The following CCDC178 variants were observed in gnomAD, a reference collection of about 807,000 sequenced individuals.
The protein encoded by CCDC178 is coiled-coil domain containing 178.
Under a neutral mutation model 117.4 loss-of-function variants are expected in CCDC178, and 126 were observed. The observed-to-expected ratio is 1.07, with a 90% CI of 0.93 to 1.24. CCDC178 has a LOEUF of 1.24. Ranked by LOEUF, CCDC178 falls within the 50% of genes most tolerant of loss-of-function variation. CCDC178 has a pLI of 0.00. For missense variants in CCDC178, 1,030 were observed against 986.9 expected (o/e 1.04, Z -0.59); for synonymous variants, 283 against 313.4 (o/e 0.90, Z 1.02).
At chr18:32,949,555 T>C (rs2054433354) in intron 22 of CCDC178, among the ~76,000 whole-genome samples, 1 of 152,162 alleles carries the variant, frequency 6.6e-6, no homozygotes, top group Non-Finnish European at 1.5e-5. Flanking sequence ...ATCTCAGGCA[T>C]TGTAAGCTTT....
chr18:33,221,168 T>C (rs1404195847), intron 18 of CCDC178, among the ~76,000 whole-genome samples: 1 of 152,046 alleles, frequency 6.6e-6, no homozygotes, highest in African/African-American at 2.4e-5. Flanking sequence ...CTCTTTCACC[T>C]GAAGATGTGA....
At chr18:32,979,539 C>A (rs1039576723) in intron 21 of CCDC178, among the ~76,000 whole-genome samples, 1 of 152,012 alleles carries the variant, frequency 6.6e-6, no homozygotes, top group East Asian at 1.9e-4. Flanking sequence ...ATGAAAGGTA[C>A]TTAGGTTTAT....
chr18:33,326,805 C>T (rs1442436935), intron 10 of CCDC178, among the ~76,000 whole-genome samples: 1 of 151,780 alleles, frequency 6.6e-6, no homozygotes, highest in Non-Finnish European at 1.5e-5. Flanking sequence ...GCAGCCTTCT[C>T]TCTCATTCGA....
intron 5 of CCDC178, among the ~76,000 whole-genome samples, chr18:33,382,993 C>T (rs1027788128): frequency 2.0e-5 from 3 of 151,730 alleles, no homozygotes; most frequent in Non-Finnish European, 2.9e-5. Context: ...GAGGCAGGGG[C>T]AGGGGGAGGG....
chr18:33,123,153 T>C (rs2057959995), intron 20 of CCDC178, among the ~76,000 whole-genome samples: 1 of 152,160 alleles, frequency 6.6e-6, no homozygotes, highest in African/African-American at 2.4e-5. Context: ...AGGAGAGTTG[T>C]GTATTAAAAT....
At chr18:33,251,132 CA>C (rs1041028772) in intron 14 of CCDC178, among the ~76,000 whole-genome samples, 1 of 150,548 alleles carries the variant, frequency 6.6e-6, no homozygotes, top group African/African-American at 2.4e-5. Context: ...AGTTTTGCTA[CA>C]AAAAAAATAG....
intron 21 of CCDC178, among the ~76,000 whole-genome samples, chr18:33,009,255 C>G (rs1445395296): frequency 1.3e-5 from 2 of 152,076 alleles, no homozygotes; most frequent in Middle Eastern, 3.2e-3. Context: ...ATTTCAAACC[C>G]AGTTTCCAGA....
At chr18:33,002,731 GA>G (rs1366120752) in intron 21 of CCDC178, among the ~76,000 whole-genome samples, 2 of 149,154 alleles carry the variant, frequency 1.3e-5, no homozygotes, top group African/African-American at 4.9e-5. Flanking sequence ...GAAGGTCAGT[GA>G]AAAAAAAAGT....
intron 20 of CCDC178, among the ~76,000 whole-genome samples, chr18:33,130,999 A>C (rs982808542): frequency 6.6e-6 from 1 of 151,978 alleles, no homozygotes; most frequent in Non-Finnish European, 1.5e-5. Flanking sequence ...CAGGTGCTTC[A>C]TTCCCACTTC....
chr18:33,419,968 A>G (rs1447854655), intron 2 of CCDC178, among the ~76,000 whole-genome samples: 2 of 151,994 alleles, frequency 1.3e-5, no homozygotes, highest in South Asian at 4.2e-4. Context: ...AAAATAAAGT[A>G]TTCTACCATA....
At chr18:33,316,139 C>A (rs563057195) in intron 11 of CCDC178, among the ~76,000 whole-genome samples, 1 of 152,210 alleles carries the variant, frequency 6.6e-6, no homozygotes, top group East Asian at 1.9e-4. Context: ...GCTTGAGGAG[C>A]CCTTCAGCCC....
chr18:33,014,902 A>T (rs1041671906), intron 21 of CCDC178, among the ~76,000 whole-genome samples: 4 of 152,186 alleles, frequency 2.6e-5, no homozygotes, highest in African/African-American at 9.7e-5. Flanking sequence ...GAGTTGCCAA[A>T]TTATATTAAT....
intron 22 of CCDC178, among the ~76,000 whole-genome samples, chr18:32,949,924 G>A (rs1401809377): frequency 6.6e-6 from 1 of 152,042 alleles, no homozygotes; most frequent in Non-Finnish European, 1.5e-5. Flanking sequence ...AAATTTGTTA[G>A]GTGGGAATAG....
chr18:33,080,090 C>A (rs2057274303), intron 21 of CCDC178, among the ~76,000 whole-genome samples: 1 of 152,170 alleles, frequency 6.6e-6, no homozygotes, highest in Non-Finnish European at 1.5e-5. Context: ...GAACACTATG[C>A]AGCCATAAAA....
chr18:33,268,717 C>G (rs557298779), intron 12 of CCDC178, among the ~76,000 whole-genome samples: 1 of 151,794 alleles, frequency 6.6e-6, no homozygotes, highest in South Asian at 2.1e-4. Flanking sequence ...AGCCAACATT[C>G]CCAGATTATG....
At chr18:33,306,627 T>A (rs1020939471) in intron 11 of CCDC178, among the ~76,000 whole-genome samples, 1 of 144,558 alleles carries the variant, frequency 6.9e-6, no homozygotes, top group African/African-American at 2.5e-5. Flanking sequence ...TGGTTATATA[T>A]ATATATAAGG....
intron 6 of CCDC178, among the ~76,000 whole-genome samples, chr18:33,363,437 A>C (rs1411471697): frequency 6.6e-6 from 1 of 152,040 alleles, no homozygotes; most frequent in East Asian, 1.9e-4. Context: ...GTTGAGAGTA[A>C]ATCAAACAGC....
chr18:33,252,675 T>C (rs975112751), intron 14 of CCDC178, among the ~76,000 whole-genome samples: 1 of 151,750 alleles, frequency 6.6e-6, no homozygotes, highest in Non-Finnish European at 1.5e-5. Context: ...TTCAGTAATA[T>C]TCGAATTGCT....
At chr18:33,433,965 A>G (rs1299861449) in intron 2 of CCDC178, among the ~76,000 whole-genome samples, 1 of 152,180 alleles carries the variant, frequency 6.6e-6, no homozygotes. Context: ...ACTCTTTTAA[A>G]TCACTATGAC....
Sources: allele counts gnomAD v4.1 joint callset (sites outside exome capture counted in the v4.1 genomes callset), GRCh38; gene constraint gnomAD v4.1.1; transcripts MANE v1.5; gene names NCBI Gene and HGNC (gene_info 2026-07-23, HGNC 2026-07-21).